Variants in NIPAL3 observed in about 807,000 individuals in gnomAD.
The protein encoded by NIPAL3 is NIPA-like protein 3.
In NIPAL3, 41 loss-of-function variants were observed where a neutral mutation model predicts 47.2. The ratio of observed to expected loss-of-function variants is 0.87; its 90% CI spans 0.68 to 1.13. The LOEUF is 1.13. Ranked by LOEUF, NIPAL3 falls within the 50% of genes most tolerant of loss-of-function variation. The pLI is 0.00. For synonymous variants in NIPAL3, 194 were observed against 209.6 expected (o/e 0.93, Z 0.64); for missense variants, 449 against 530.1 (o/e 0.85, Z 1.50).
In NIPAL3 at chr1:24,470,296, G is replaced by C. The variant is rs1646859902; in HGVS notation, c.*1111G>C. ...CTAGACTGATGGTATACTTTTGAGAGGGGCGGATAAAGGTTTGCAAACTTT... is the reference window on the plus strand; with the variant it reads ...CTAGACTGATGGTATACTTTTGAGACGGGCGGATAAAGGTTTGCAAACTTT... On this transcript the variant is annotated 3_prime_UTR_variant, in exon 12 of 12. Coordinates refer to ENST00000374399, the MANE Select transcript of NIPAL3 (RefSeq NM_020448.5). The C allele has an allele frequency of 6.6e-6, 1 of 152,198 alleles. No homozygotes were observed. The highest frequency in any genetic ancestry group is 6.5e-5 in the Admixed American group (1 of 15,270). The allele number at this position is 152,198 out of a possible 1,614,324, so 9.4% of individuals were successfully genotyped here.
Position 24,449,709 on chromosome 1 carries a change from A to T in NIPAL3, c.540+83A>T, listed in dbSNP as rs955603670. ...AAACCAGAAACGTGAATACCCAGCA[A>T]TAGGGGATTCCGTGAGTTGCGGCAC... On this transcript the variant is annotated intron_variant, in intron 6 of 11. Transcript: ENST00000374399. This position sits in a 1 kb window ranked among gnomAD's most constrained non-coding sequence, Gnocchi z 4.5. 2 of 1,430,028 alleles carry T rather than the reference A, an allele frequency of 1.4e-6. No homozygotes were observed. The highest frequency in any genetic ancestry group is 1.4e-5 in the African/African-American group (1 of 70,906). The allele number at this position is 1,430,028 out of a possible 1,614,324, so 88.6% of individuals were successfully genotyped here. A position where few individuals can be genotyped will look rare whatever the true frequency, so the allele number is the denominator to read the frequency against.
Position 24,458,908 on chromosome 1 carries a change from A to AAAGAG in NIPAL3, c.794_795insAAGAG (p.Met266ArgfsTer8). 6.2e-7 allele frequency: 1 copy of AAAGAG among 1,614,138 alleles called. No homozygotes were observed. The highest frequency in any genetic ancestry group is 8.5e-7 in the Non-Finnish European group (1 of 1,179,988). On this transcript the variant is annotated frameshift_variant, in exon 9 of 12. Coordinates refer to ENST00000374399, the MANE Select transcript of NIPAL3 (RefSeq NM_020448.5). LOFTEE classifies it high-confidence loss of function. ...TGAAGGTTTTTGAGTCAAGCCTCAC[A>AAAGAG]GATGTACGACTCCTCTTTGATTGCC...
intron 2 of NIPAL3, among the ~76,000 whole-genome samples, chr1:24,438,900 C>G (rs1210749647): frequency 6.6e-6 from 1 of 152,156 alleles, no homozygotes; most frequent in Non-Finnish European, 1.5e-5. Flanking sequence ...AATGCTAGTA[C>G]ACTTTGACCC....
rs181481467 is a variant in NIPAL3 at position 24,456,278 on chromosome 1, G to A, written c.773+5G>A. 2 of 1,614,232 alleles carry A rather than the reference G, an allele frequency of 1.2e-6. No homozygotes were observed. Among genetic ancestry groups the A allele is most frequent in the Admixed American group, 3.3e-5 (2 of 60,030 alleles). ...AACCGCCGTCTATCAGGCTGCGTGA[G>A]TTACAAATCCTTTTCCTGCTGGGCC... On this transcript the variant is annotated splice_donor_5th_base_variant and intron_variant, in intron 8 of 11. Transcript: ENST00000374399.
In NIPAL3 at chr1:24,469,898, T is replaced by C. The variant is rs2148872523; in HGVS notation, c.*713T>C. The C allele has an allele frequency of 6.6e-6, 1 of 152,284 alleles. No individual in the cohort carries two copies. The highest frequency in any genetic ancestry group is 2.1e-4 in the South Asian group (1 of 4,820). The allele number at this position is 152,284 out of a possible 1,614,324, so 9.4% of individuals were successfully genotyped here. A position where few individuals can be genotyped will look rare whatever the true frequency, so the allele number is the denominator to read the frequency against. On this transcript the variant is annotated 3_prime_UTR_variant, in exon 12 of 12. Transcript: ENST00000374399. The stretch of plus-strand genomic sequence containing the variant: ...TAGGAAGTTAAGAGAAGGGGAAGAA[T>C]ATGGAGGATAGGAGAGGGTGATGAT...
rs1437388264 is a variant in NIPAL3 at position 24,451,927 on chromosome 1, C to T, written c.541-1481C>T. ...AATCGTGCATTGACTATAATGACAA[C>T]TCGTTAAAATATGGATTCACTGGAA... is the stretch of plus-strand genomic sequence containing the variant. On this transcript the variant is annotated intron_variant, in intron 6 of 11. Coordinates refer to ENST00000374399, the MANE Select transcript of NIPAL3 (RefSeq NM_020448.5). The surrounding 1 kb of genome is among the most constrained non-coding windows in gnomAD (Gnocchi z 4.5). 1.3e-5 allele frequency among the ~76,000 whole-genome samples: 2 copies of T among 152,134 alleles called. No homozygotes were observed. Among genetic ancestry groups the T allele is most frequent in the African/African-American group, 4.8e-5 (2 of 41,414 alleles).
intron 3 of NIPAL3, among the ~76,000 whole-genome samples, chr1:24,441,504 T>C (rs192055925): frequency 3.2e-4 from 49 of 152,254 alleles, no homozygotes; most frequent in African/African-American, 1.1e-3. Flanking sequence ...AAAAAGAATA[T>C]TGACCATGCT....
chr1:24,414,368 G>GTA (rs1643914418), upstream of NIPAL3: 1 of 142,320 alleles, frequency 7.0e-6, no homozygotes. Flanking sequence ...TCTAACAGAA[G>GTA]AAAAAAAAAA....
At chr1:24,465,933 T>G in intron 11 of NIPAL3, 1 of 1,530,462 alleles carries the variant, frequency 6.5e-7, no homozygotes. Context: ...AGTCTCAGTC[T>G]AAACAGAGGT....
rs532464776 is a variant in NIPAL3, at chr1:24,416,841, G to A, written c.-258+937G>A. 6.6e-6 allele frequency: 1 copy of A among 152,304 alleles called. No homozygotes were observed. Among genetic ancestry groups the A allele is most frequent in the Admixed American group, 6.5e-5 (1 of 15,296 alleles). The allele number at this position is 152,304 out of a possible 1,614,324, so 9.4% of individuals were successfully genotyped here. A position where few individuals can be genotyped will look rare whatever the true frequency, so the allele number is the denominator to read the frequency against. On this transcript the variant is annotated intron_variant, in intron 1 of 11. Transcript: ENST00000374399. This position sits in a 1 kb window ranked among gnomAD's most constrained non-coding sequence, Gnocchi z 4.8. ...TGCAGGCGATGCTTCAGAGGCCTGCGAGTTCCTGAGGCAGAGAGGGAAGCT... is the reference window on the plus strand; with the variant it reads ...TGCAGGCGATGCTTCAGAGGCCTGCAAGTTCCTGAGGCAGAGAGGGAAGCT...
At chr1:24,438,560 T>C (rs991650664) in intron 2 of NIPAL3, among the ~76,000 whole-genome samples, 12 of 152,302 alleles carry the variant, frequency 7.9e-5, no homozygotes, top group African/African-American at 2.9e-4. Context: ...GGGGGAGGGT[T>C]GACTTCACTG....
At chr1:24,439,669 A>G (rs1359081776) in intron 2 of NIPAL3, among the ~76,000 whole-genome samples, 1 of 152,216 alleles carries the variant, frequency 6.6e-6, no homozygotes, top group Non-Finnish European at 1.5e-5. Context: ...ATTCCGTGCC[A>G]GGTAGTCTGA....
intron 3 of NIPAL3, among the ~76,000 whole-genome samples, chr1:24,441,244 A>C (rs1268300355): frequency 6.6e-6 from 1 of 152,004 alleles, no homozygotes; most frequent in Non-Finnish European, 1.5e-5. Context: ...GTTCACCTGT[A>C]CTCTATGCAT....
Position 24,454,010 on chromosome 1 carries a change from A to G in NIPAL3, c.637+506A>G. 2.1e-6 allele frequency: 1 copy of G among 468,742 alleles called. No individual in the cohort carries two copies. The highest frequency in any genetic ancestry group is 4.1e-6 in the Non-Finnish European group (1 of 241,646). The allele number at this position is 468,742 out of a possible 1,614,324, so 29.0% of individuals were successfully genotyped here. A position where few individuals can be genotyped will look rare whatever the true frequency, so the allele number is the denominator to read the frequency against. The stretch of plus-strand genomic sequence containing the variant: ...ATAGCTCCTGAATCAGCTTGAGGCT[A>G]GAACTGCATATTAATTTTTCCTTTT... On this transcript the variant is annotated intron_variant, in intron 7 of 11. Coordinates refer to ENST00000374399, the MANE Select transcript of NIPAL3 (RefSeq NM_020448.5). The surrounding 1 kb of genome is among the most constrained non-coding windows in gnomAD (Gnocchi z 4.1).
intron 2 of NIPAL3, among the ~76,000 whole-genome samples, chr1:24,429,853 A>T (rs1233990281): frequency 1.3e-5 from 2 of 152,146 alleles, no homozygotes; most frequent in African/African-American, 2.4e-5. Flanking sequence ...CCCAGTGAAA[A>T]TTTTTTCATA....
At chr1:24,432,272 C>T (rs989984177) in intron 2 of NIPAL3, among the ~76,000 whole-genome samples, 7 of 152,106 alleles carry the variant, frequency 4.6e-5, no homozygotes, top group Non-Finnish European at 7.4e-5. Context: ...GAATTACAGG[C>T]GTGTGCCACC....
At chr1:24,415,725 A>G, upstream of NIPAL3, 2 of 522,350 alleles carry the variant, frequency 3.8e-6, no homozygotes, top group Non-Finnish European at 4.9e-6. Context: ...ATGCCTGCCA[A>G]CTTCTGACTG....
chr1:24,420,967 C>G (rs1395066822), intron 2 of NIPAL3, among the ~76,000 whole-genome samples: 1 of 152,062 alleles, frequency 6.6e-6, no homozygotes, highest in African/African-American at 2.4e-5. Flanking sequence ...TTAAGTGTTC[C>G]TAAATACCTA....
chr1:24,465,980 G>A (rs760574489), intron 11 of NIPAL3: 2 of 1,603,596 alleles, frequency 1.2e-6, no homozygotes, highest in Non-Finnish European at 1.7e-6. Context: ...GTCAGCATTA[G>A]GATCTTGCCT....
Sources: allele counts gnomAD v4.1 joint callset (sites outside exome capture counted in the v4.1 genomes callset), GRCh38; gene constraint gnomAD v4.1.1; non-coding constraint Gnocchi (gnomAD v3.1); transcripts MANE v1.5; gene names NCBI Gene and HGNC (gene_info 2026-07-23, HGNC 2026-07-21).